PDE1C: variants seen among roughly 807,000 people sequenced by gnomAD.
The protein encoded by PDE1C is phosphodiesterase 1C.
PDE1C carries 62 observed loss-of-function variants against 93.1 expected under a neutral mutation model. The ratio of observed to expected loss-of-function variants is 0.67; its 90% confidence interval spans 0.54 to 0.82. The LOEUF is 0.82. Ranked by LOEUF, PDE1C falls within the 40% of genes least tolerant of loss-of-function variation. The pLI is 0.00. For synonymous variants in PDE1C, 325 were observed against 310.1 expected (o/e 1.05, Z -0.50); for missense variants, 742 against 884.6 (o/e 0.84, Z 2.04).
the PDE1C span, among the ~76,000 whole-genome samples, chr7:31,626,673 T>C: frequency 6.6e-6 from 1 of 152,210 alleles, no homozygotes; most frequent in South Asian, 2.1e-4. Flanking sequence ...TCAGTGCTTC[T>C]GGATCCCTAA....
intron 7 of PDE1C, among the ~76,000 whole-genome samples, chr7:31,859,308 A>G (rs1794400794): frequency 6.7e-6 from 1 of 149,760 alleles, no homozygotes; most frequent in Non-Finnish European, 1.5e-5. Context: ...AAATCCCAGT[A>G]TTATAGACTT....
chr7:31,808,938 C>A, intron 16 of PDE1C, 93 bp downstream of exon 16: 1 of 709,262 alleles, frequency 1.4e-6, no homozygotes, highest in South Asian at 1.7e-5. Flanking sequence ...AGAATATATT[C>A]ACAACCACTA....
chr7:32,346,199 A>G (rs1338144847), intron 1 of PDE1C, among the ~76,000 whole-genome samples: 1 of 152,228 alleles, frequency 6.6e-6, no homozygotes, highest in Non-Finnish European at 1.5e-5. Flanking sequence ...TGAACTTAGG[A>G]TTGAATGTAC....
At chr7:31,768,611 T>C (rs1284956545) in intron 17 of PDE1C, among the ~76,000 whole-genome samples, 1 of 152,180 alleles carries the variant, frequency 6.6e-6, no homozygotes, top group Non-Finnish European at 1.5e-5. Flanking sequence ...AGGTCCATAT[T>C]GAAACATCCC....
At chr7:31,736,447 G>T in the PDE1C span, among the ~76,000 whole-genome samples, 1 of 152,180 alleles carries the variant, frequency 6.6e-6, no homozygotes. Context: ...GCAGTGCCTG[G>T]AGACTGGAAG....
At chr7:32,249,051 G>A (rs62456038) in intron 1 of PDE1C, among the ~76,000 whole-genome samples, 11,500 of 152,020 alleles carry the variant, frequency 0.076, 587 homozygotes, top group Non-Finnish European at 0.1. Flanking sequence ...CAAAATCCAG[G>A]ACCACTATAA....
At chr7:31,651,407 C>A in the PDE1C span, 2 of 1,002,696 alleles carry the variant, frequency 2.0e-6, no homozygotes, top group Non-Finnish European at 2.8e-6. Flanking sequence ...CTTTCTTGGT[C>A]TTGTTCTTGC....
At chr7:32,282,198 C>T (rs913191264) in intron 1 of PDE1C, among the ~76,000 whole-genome samples, 1 of 151,574 alleles carries the variant, frequency 6.6e-6, no homozygotes, top group Non-Finnish European at 1.5e-5. Flanking sequence ...GATGGTCGGC[C>T]GGGTGTGGTG....
chr7:32,171,335 A>G (rs911846102), intron 2 of PDE1C, among the ~76,000 whole-genome samples: 1 of 152,074 alleles, frequency 6.6e-6, no homozygotes, highest in Admixed American at 6.5e-5. Context: ...AGTCAAAGGT[A>G]CCAAATACTG....
At chr7:31,939,903 T>C (rs1275395031) in intron 2 of PDE1C, among the ~76,000 whole-genome samples, 4 of 152,058 alleles carry the variant, frequency 2.6e-5, no homozygotes, top group African/African-American at 7.2e-5. Context: ...AAAGGAGGCA[T>C]GTTTGGCTGC....
intron 2 of PDE1C, among the ~76,000 whole-genome samples, chr7:32,177,196 C>G: frequency 6.6e-6 from 1 of 152,166 alleles, no homozygotes; most frequent in Non-Finnish European, 1.5e-5. Flanking sequence ...GACCAAGTTT[C>G]TTTCTGGAAA....
chr7:32,228,304 T>C (rs1807442341), intron 1 of PDE1C, among the ~76,000 whole-genome samples: 1 of 152,094 alleles, frequency 6.6e-6, no homozygotes. Flanking sequence ...GCTCAAGAAA[T>C]GGGAGAGCAA....
chr7:32,289,993 C>T (rs1351848524), intron 1 of PDE1C, among the ~76,000 whole-genome samples: 1 of 152,190 alleles, frequency 6.6e-6, no homozygotes, highest in Admixed American at 6.5e-5. Context: ...GTGCTTTGGA[C>T]CCTTGTCCAG....
chr7:31,930,848 CAAAAAAAAAAAAAAAA>C (rs56394903), intron 2 of PDE1C, among the ~76,000 whole-genome samples: 1 of 32,638 alleles, frequency 3.1e-5, no homozygotes, highest in Non-Finnish European at 4.7e-5. Flanking sequence ...GACTCTGTCT[CAAAAAAAAAAAAAAAA>C]AAAAAAAAAA....
intron 3 of PDE1C, among the ~76,000 whole-genome samples, chr7:32,138,243 C>A (rs1800317121): frequency 6.6e-6 from 1 of 151,860 alleles, no homozygotes; most frequent in Admixed American, 6.6e-5. Context: ...AAAAATTTAT[C>A]CCAAACTAAT....
chr7:31,997,124 C>T lies in PDE1C; in HGVS notation c.128+54430G>A, dbSNP rs973933702. Among the ~76,000 whole-genome samples, 5 of 152,306 alleles carry T rather than the reference C, an allele frequency of 3.3e-5. No homozygotes were observed. In the Middle Eastern group the frequency reaches 0.01, roughly 311 times the overall value. ...AAACATTAAATAACAACAAACAGTGCTTCATGAAGCAAGTTAGTACAGAAG... is the reference window on the plus strand; with the variant it reads ...AAACATTAAATAACAACAAACAGTGTTTCATGAAGCAAGTTAGTACAGAAG... On this transcript the variant is annotated intron_variant, in intron 2 of 17. Transcript: ENST00000396191.
At chr7:31,632,357 A>G in the PDE1C span, among the ~76,000 whole-genome samples, 1 of 152,168 alleles carries the variant, frequency 6.6e-6, no homozygotes, top group Non-Finnish European at 1.5e-5. Context: ...CTGAAACAGG[A>G]GAATCGCTTG....
rs189951436 is a variant in PDE1C at position 32,232,969 on chromosome 7, A to T, written c.86-23430T>A. Among the ~76,000 whole-genome samples the T allele has an allele frequency of 3.5e-3, 535 of 152,334 alleles. 2 individuals carry two copies. Among genetic ancestry groups the T allele is most frequent in the Admixed American group, 5.5e-3 (84 of 15,298 alleles). On this transcript the variant is annotated intron_variant, in intron 1 of 18. Coordinates refer to the PDE1C transcript ENST00000396193. ...ACAAGAGCCAGAGTCTCATCAGATA[A>T]TTTTTAATGTTCAGAATAAAATTCA...
chr7:31,693,368 T>G, the PDE1C span, among the ~76,000 whole-genome samples: 4 of 152,230 alleles, frequency 2.6e-5, no homozygotes, highest in African/African-American at 4.8e-5. Flanking sequence ...GACTATGGCA[T>G]GTAAAATATT....
Sources: gnomAD v4.1 joint callset for allele counts (sites outside exome capture counted in the v4.1 genomes callset) on GRCh38, gnomAD v4.1.1 for gene constraint, MANE v1.5 for transcripts, NCBI Gene and HGNC (gene_info 2026-07-23, HGNC 2026-07-21) for gene names.